Variants in ZNF385D observed in about 807,000 individuals in gnomAD.
ZNF385D encodes zinc finger protein 659.
Under a neutral mutation model 35.8 loss-of-function variants are expected in ZNF385D, and 15 were observed. The observed-to-expected ratio is 0.42, with a 90% CI of 0.28 to 0.64. ZNF385D has a LOEUF of 0.64. Ranked by LOEUF, ZNF385D falls within the 30% of genes least tolerant of loss-of-function variation. The pLI, the probability that ZNF385D is intolerant of heterozygous loss-of-function variation, is 0.23. For missense variants in ZNF385D, 474 were observed against 494.6 expected, an observed-to-expected ratio of 0.96 and a Z score of 0.39; for synonymous variants, 212 against 186.8, an observed-to-expected ratio of 1.13 and a Z score of -1.10.
At chr3:21,767,305 T>C (rs878970735) in intron 3 of ZNF385D, among the ~76,000 whole-genome samples, 3 of 151,904 alleles carry the variant, frequency 2.0e-5, no homozygotes, top group Non-Finnish European at 4.4e-5. Flanking sequence ...CTGCCACTTG[T>C]CTTTGACAAA....
intron 3 of ZNF385D, among the ~76,000 whole-genome samples, chr3:21,867,582 T>C (rs866230227): frequency 2.0e-5 from 3 of 152,316 alleles, no homozygotes; most frequent in South Asian, 4.1e-4. Flanking sequence ...GTATTTACTC[T>C]ATTTATGTTT....
chr3:21,573,664 T>C (rs1190160947), intron 2 of ZNF385D, among the ~76,000 whole-genome samples: 3 of 152,088 alleles, frequency 2.0e-5, no homozygotes, highest in Non-Finnish European at 4.4e-5. Flanking sequence ...AAAAACAAAA[T>C]AGAGAAGAAT....
intron 3 of ZNF385D, among the ~76,000 whole-genome samples, chr3:22,084,742 G>A (rs1312421601): frequency 6.6e-6 from 1 of 152,126 alleles, no homozygotes; most frequent in Admixed American, 6.5e-5. Flanking sequence ...GACATCTACA[G>A]AACTCTCCAC....
chr3:21,817,326 A>T (rs1308100844), intron 3 of ZNF385D, among the ~76,000 whole-genome samples: 7 of 152,204 alleles, frequency 4.6e-5, no homozygotes, highest in Non-Finnish European at 8.8e-5. Context: ...AAGCCAAAAT[A>T]GACAAATGGG....
chr3:21,663,888 C>A (rs71310271), intron 2 of ZNF385D, among the ~76,000 whole-genome samples: 12,730 of 38,794 alleles, frequency 0.33, 1,156 homozygotes, highest in Middle Eastern at 0.5. Context: ...AATTGTGGGC[C>A]GAATATATAT....
At chr3:21,992,996 C>G (rs1408439780) in intron 3 of ZNF385D, among the ~76,000 whole-genome samples, 1 of 152,166 alleles carries the variant, frequency 6.6e-6, no homozygotes, top group African/African-American at 2.4e-5. Flanking sequence ...GGAATTTTCT[C>G]TCCTTTCAGA....
At chr3:22,298,947 C>T (rs1575068618) in intron 2 of ZNF385D, among the ~76,000 whole-genome samples, 1 of 151,836 alleles carries the variant, frequency 6.6e-6, no homozygotes, top group Non-Finnish European at 1.5e-5. Context: ...TTATTTGATT[C>T]CAATTAATTC....
At chr3:22,238,320 T>C (rs1196334349) in intron 2 of ZNF385D, among the ~76,000 whole-genome samples, 1 of 151,098 alleles carries the variant, frequency 6.6e-6, no homozygotes, top group Non-Finnish European at 1.5e-5. Context: ...CATATGAATT[T>C]TAAGATTAGC....
chr3:21,880,513 G>A lies in ZNF385D; in HGVS notation c.326-215485C>T, dbSNP rs149119151. Among the ~76,000 whole-genome samples the A allele has an allele frequency of 1.2e-3, 177 of 152,048 alleles. 1 individual carries two copies. The highest frequency in any genetic ancestry group is 4.1e-3 in the African/African-American group (169 of 41,536). ...GAGATGGCAAACTTCATTGATAAAT[G>A]TTGTGTCTGACCTTTCTATCCACCG... On this transcript the variant is annotated intron_variant, in intron 3 of 5. Coordinates refer to the ZNF385D transcript ENST00000494108.
chr3:21,834,824 C>T (rs11710449), intron 3 of ZNF385D, among the ~76,000 whole-genome samples: 34,567 of 151,894 alleles, frequency 0.23, 4,585 homozygotes, highest in Admixed American at 0.29. Flanking sequence ...TGAGTTCTCA[C>T]GACATCTGGT....
chr3:21,872,874 C>T (rs1697765631), intron 3 of ZNF385D, among the ~76,000 whole-genome samples: 1 of 151,924 alleles, frequency 6.6e-6, no homozygotes, highest in Admixed American at 6.6e-5. Flanking sequence ...ATAATGTTAC[C>T]ATTAATAAAA....
intron 3 of ZNF385D, among the ~76,000 whole-genome samples, chr3:21,548,553 G>C (rs2062459584): frequency 6.6e-6 from 1 of 152,120 alleles, no homozygotes. Flanking sequence ...TAATGAAATA[G>C]ACTCTCAACA....
At chr3:21,997,613 G>C (rs1289909184) in intron 3 of ZNF385D, among the ~76,000 whole-genome samples, 6 of 151,816 alleles carry the variant, frequency 4.0e-5, no homozygotes, top group African/African-American at 1.5e-4. Context: ...GGAAAAGAGA[G>C]AGAGAGTGTA....
At chr3:21,481,923 A>T (rs915588102) in intron 4 of ZNF385D, among the ~76,000 whole-genome samples, 1 of 152,172 alleles carries the variant, frequency 6.6e-6, no homozygotes, top group Non-Finnish European at 1.5e-5. Flanking sequence ...GAATATTTGG[A>T]CACTACTCTC....
intron 2 of ZNF385D, among the ~76,000 whole-genome samples, chr3:21,592,464 C>A (rs900904344): frequency 6.7e-6 from 1 of 149,586 alleles, no homozygotes; most frequent in African/African-American, 2.5e-5. Flanking sequence ...TTGAATTACC[C>A]TCTTCTAATT....
intron 4 of ZNF385D, among the ~76,000 whole-genome samples, chr3:21,446,574 ACTTCTGCCTCCTGGATTCAAGTGATT>A (rs1263122500): frequency 1.4e-5 from 2 of 137,986 alleles, no homozygotes; most frequent in Admixed American, 8.2e-5. Flanking sequence ...GCTCACTGCA[ACTTCTGCCTCCTGGATTCAAGTGATT>A]CTTCTGCCTC....
intron 2 of ZNF385D, among the ~76,000 whole-genome samples, chr3:21,576,223 T>G (rs551428269): frequency 6.6e-6 from 1 of 152,328 alleles, no homozygotes; most frequent in Non-Finnish European, 1.5e-5. Flanking sequence ...ACACCCACAG[T>G]GGTCCCTTGA....
intron 3 of ZNF385D, among the ~76,000 whole-genome samples, chr3:21,557,685 T>C (rs1194954707): frequency 6.6e-6 from 1 of 152,230 alleles, no homozygotes; most frequent in Non-Finnish European, 1.5e-5. Context: ...TAAAATAAGT[T>C]AGGGAGGATT....
At chr3:22,130,123 G>C (rs1193808643) in intron 3 of ZNF385D, among the ~76,000 whole-genome samples, 8 of 152,098 alleles carry the variant, frequency 5.3e-5, no homozygotes, top group Non-Finnish European at 1.0e-4. Context: ...TGGGAGCTAT[G>C]GCCTGGAATG....
Sources: gnomAD v4.1 joint callset for allele counts (sites outside exome capture counted in the v4.1 genomes callset) on GRCh38, gnomAD v4.1.1 for gene constraint, MANE v1.5 for transcripts, NCBI Gene and HGNC (gene_info 2026-07-23, HGNC 2026-07-21) for gene names.